TMOD1: variants seen among roughly 807,000 people sequenced by gnomAD.
TMOD1 encodes the protein tropomodulin 1.
TMOD1 carries 17 observed loss-of-function variants against 40.6 expected under a neutral mutation model. The observed-to-expected ratio is 0.42, with a 90% CI of 0.29 to 0.63. The LOEUF (loss-of-function observed/expected upper bound fraction) is 0.63, where lower values mean the gene tolerates loss of function less well. TMOD1 is among the 20% of genes least tolerant of loss of function. The pLI, the probability that TMOD1 is intolerant of heterozygous loss-of-function variation, is 0.22. For missense variants in TMOD1, 391 were observed against 447.6 expected (o/e 0.87, Z 1.14); for synonymous variants, 181 against 175.0 (o/e 1.03, Z -0.27).
intron 8 of TMOD1, among the ~76,000 whole-genome samples, chr9:97,572,451 G>C (rs373276902): frequency 5.9e-5 from 9 of 152,272 alleles, no homozygotes; most frequent in African/African-American, 2.2e-4. Context: ...CAGGACCAGG[G>C]GGCTGTGGGG....
rs891553481 is a variant in TMOD1, at chr9:97,546,354, G to A, written c.277+13G>A. ...GGGGAAAAACGAGGTACTGAACAAT[G>A]TTACTGTTATAATATGCCACTCCCC... On this transcript the variant is annotated intron_variant, in intron 3 of 9. Transcript: ENST00000259365. The A allele has an allele frequency of 6.2e-7, 1 of 1,611,028 alleles. No individual in the cohort carries two copies. Among genetic ancestry groups the A allele is most frequent in the African/African-American group, 1.3e-5 (1 of 74,704 alleles).
chr9:97,540,134 C>T (rs531070467), intron 2 of TMOD1, among the ~76,000 whole-genome samples: 4 of 152,194 alleles, frequency 2.6e-5, no homozygotes, highest in Non-Finnish European at 5.9e-5. Flanking sequence ...CATTAGCTGT[C>T]ACTCTCCATC....
At chr9:97,573,940 G>A (rs1830864294) in intron 8 of TMOD1, among the ~76,000 whole-genome samples, 1 of 152,150 alleles carries the variant, frequency 6.6e-6, no homozygotes, top group African/African-American at 2.4e-5. Flanking sequence ...TTTTGGAGGG[G>A]GGAGGATCAA....
intron 3 of TMOD1, among the ~76,000 whole-genome samples, chr9:97,550,814 G>C (rs1401857170): frequency 6.6e-6 from 1 of 151,682 alleles, no homozygotes; most frequent in African/African-American, 2.4e-5. Context: ...TTCCCCTTCT[G>C]TGTATTGTCA....
chr9:97,508,028 C>CA (rs1172782408), intron 1 of TMOD1, among the ~76,000 whole-genome samples: 3 of 150,762 alleles, frequency 2.0e-5, no homozygotes, highest in Non-Finnish European at 4.4e-5. Context: ...GCAATTGACA[C>CA]ATAATGAAAC....
intron 4 of TMOD1, among the ~76,000 whole-genome samples, chr9:97,560,678 T>C (rs545129304): frequency 6.8e-6 from 1 of 147,618 alleles, no homozygotes; most frequent in East Asian, 2.0e-4. Context: ...TGTATATATA[T>C]ATATATAAAG....
intron 1 of TMOD1, among the ~76,000 whole-genome samples, chr9:97,510,457 C>T (rs1197423628): frequency 6.6e-6 from 1 of 152,190 alleles, no homozygotes; most frequent in Non-Finnish European, 1.5e-5. Flanking sequence ...TCTCGAACTC[C>T]TGACCTCAGG....
chr9:97,563,978 G>A (rs1830682150), intron 5 of TMOD1, 60 bp from the exon 6 acceptor site: 6 of 1,574,048 alleles, frequency 3.8e-6, no homozygotes, highest in Non-Finnish European at 5.2e-6. Flanking sequence ...GTATCTTTGT[G>A]TTGGCAGAAA....
chr9:97,561,613 T>C (rs1339973808), intron 4 of TMOD1, among the ~76,000 whole-genome samples: 2 of 152,220 alleles, frequency 1.3e-5, no homozygotes, highest in Non-Finnish European at 2.9e-5. Context: ...CGTCTGATTA[T>C]TACCGCCACA....
intron 8 of TMOD1, among the ~76,000 whole-genome samples, chr9:97,584,499 T>C (rs1199211596): frequency 6.6e-6 from 1 of 152,112 alleles, no homozygotes; most frequent in Non-Finnish European, 1.5e-5. Flanking sequence ...TGGAGAGTTC[T>C]GTAGATGTCT....
chr9:97,514,905 T>C (rs1247049704), intron 1 of TMOD1, among the ~76,000 whole-genome samples: 12 of 152,208 alleles, frequency 7.9e-5, no homozygotes, highest in Admixed American at 7.9e-4. Flanking sequence ...GGGAAATGCC[T>C]GGCATGACTT....
chr9:97,599,594 A>G (rs768449759), intron 9 of TMOD1, 40 bp from the exon 10 acceptor site: 3 of 1,613,744 alleles, frequency 1.9e-6, no homozygotes, highest in Non-Finnish European at 2.5e-6. Flanking sequence ...CCTGGTCTAC[A>G]GGGAAAAGTG....
intron 2 of TMOD1, among the ~76,000 whole-genome samples, chr9:97,541,742 C>T (rs868302415): frequency 6.6e-6 from 1 of 152,272 alleles, no homozygotes; most frequent in Middle Eastern, 3.4e-3. Flanking sequence ...TCTCAAACTC[C>T]TGACCTCAGG....
upstream of TMOD1, chr9:97,501,274 G>C (rs1404022722): frequency 2.6e-5 from 4 of 152,212 alleles, no homozygotes; most frequent in African/African-American, 9.7e-5. Context: ...AGAGGTGAAG[G>C]TGCAGCAGCT....
intron 2 of TMOD1, among the ~76,000 whole-genome samples, chr9:97,534,974 T>A (rs1830157801): frequency 6.6e-6 from 1 of 151,746 alleles, no homozygotes; most frequent in African/African-American, 2.4e-5. Flanking sequence ...AGTGGGAGAG[T>A]GCAGGGCGTG....
intron 1 of TMOD1, among the ~76,000 whole-genome samples, chr9:97,508,590 G>T (rs1829640466): frequency 6.6e-6 from 1 of 152,186 alleles, no homozygotes; most frequent in African/African-American, 2.4e-5. Flanking sequence ...ACGTGCCTGG[G>T]ATATTATGTA....
chr9:97,549,676 G>C (rs181364948), intron 3 of TMOD1, among the ~76,000 whole-genome samples: 1 of 152,204 alleles, frequency 6.6e-6, no homozygotes, highest in African/African-American at 2.4e-5. Flanking sequence ...ACACAATAAA[G>C]CTAATTGATT....
intron 3 of TMOD1, among the ~76,000 whole-genome samples, chr9:97,551,012 ATATTTTTTTTTTTTTTTT>A (rs1480654870): frequency 0.027 from 1,072 of 39,348 alleles, 16 homozygotes; most frequent in Middle Eastern, 0.12. Context: ...ATATATATAT[ATATTTTTTTTTTTTTTTT>A]TTTTTTTTTT....
At chr9:97,546,839 A>G (rs34292522) in intron 3 of TMOD1, among the ~76,000 whole-genome samples, 43,646 of 150,442 alleles carry the variant, frequency 0.29, 6,516 homozygotes, top group African/African-American at 0.32. Context: ...TGAGGCAGGA[A>G]AATCGCGTGA....
Sources: allele counts gnomAD v4.1 joint callset (sites outside exome capture counted in the v4.1 genomes callset), GRCh38; gene constraint gnomAD v4.1.1; transcripts MANE v1.5; gene names NCBI Gene and HGNC (gene_info 2026-07-23, HGNC 2026-07-21).